Variants in M6PR observed in about 807,000 individuals in gnomAD.
M6PR encodes the protein cation-dependent mannose-6-phosphate receptor.
A neutral mutation model predicts 33.1 loss-of-function variants in M6PR; 19 were observed. The observed-to-expected ratio is 0.57, with a 90% CI of 0.40 to 0.84. The LOEUF is 0.84. Ranked by LOEUF, M6PR falls within the 40% of genes least tolerant of loss-of-function variation. M6PR has a pLI of 0.00. For synonymous variants in M6PR, 111 were observed against 123.4 expected (o/e 0.90, Z 0.67); for missense variants, 295 against 336.0 (o/e 0.88, Z 0.95).
rs1318451624 is a variant in M6PR at position 8,941,930 on chromosome 12, T to C, written c.722A>G (p.Asp241Gly). ...DLGNLVADGC[D>G]FVCRSKPRNV... ...TCGAGGTTTAGAACGGCAGACAAAG[T>C]CACAGCCATCCTGTAGGGGGAAAAA... The change falls in exon 7 of 7, where the codon GAC becomes GGC. Residue 241 changes from aspartate to glycine, a missense_variant. Physicochemically the swap from Asp to Gly is moderately conservative, Grantham distance 94. Coordinates refer to ENST00000000412, the MANE Select transcript of M6PR (RefSeq NM_002355.4). The C allele has an allele frequency of 6.2e-6, 10 of 1,613,928 alleles. No homozygotes were observed. Among genetic ancestry groups the C allele is most frequent in the Non-Finnish European group, 8.5e-6 (10 of 1,180,012 alleles).
rs757288363 is a variant in M6PR, at chr12:8,942,509, C to T, written c.618G>A (p.Gly206=). 3.7e-6 allele frequency: 6 copies of T among 1,614,132 alleles called. No homozygotes were observed. In the South Asian group the frequency reaches 6.6e-5, roughly 18 times the overall value. ...CTACCAGTCGCTGGTATAGGAACCC[C>T]CCAACAACATAAACAGCAACCAGTG... ...FASLVAVYVV[G]GFLYQRLVVG... Residue 206 remains glycine, a synonymous_variant, in exon 6 of 7, where the codon GGG becomes GGA. Transcript: ENST00000000412.
At chr12:8,947,443 A>G (rs968830885) in intron 1 of M6PR, among the ~76,000 whole-genome samples, 1 of 152,082 alleles carries the variant, frequency 6.6e-6, no homozygotes, top group South Asian at 2.1e-4. Context: ...GAAATTGTCT[A>G]CCTGACTTCC....
rs1462440449 is a variant in M6PR at position 8,945,584 on chromosome 12, G to A, written c.177C>T (p.Ser59=). Residue 59 remains serine, a splice_region_variant and synonymous_variant, in exon 3 of 7, where the codon AGC becomes AGT. Transcript: ENST00000000412. Reference sequence around the variant, plus strand: ...AACCCTGGCCCACAGTGCTCTCAAAGCTGTAAAGAGAAGTGGGAAGAAAGA... The same window carrying A: ...AACCCTGGCCCACAGTGCTCTCAAAACTGTAAAGAGAAGTGGGAAGAAAGA... ...VKRLKPLFNK[S]FESTVGQGSD... is the part of the protein sequence containing the mutation. 2.5e-6 allele frequency: 4 copies of A among 1,613,458 alleles called. No individual in the cohort carries two copies. The highest frequency in any genetic ancestry group is 2.7e-5 in the African/African-American group (2 of 74,914).
At chr12:8,943,232 G>A (rs769003452) in intron 5 of M6PR, 173 bp downstream of exon 5, 61 of 817,442 alleles carry the variant, frequency 7.5e-5, no homozygotes, top group South Asian at 1.1e-4. Flanking sequence ...GATTACAGGC[G>A]TGAGCCCTGT....
chr12:8,945,430 T>C lies in M6PR; in HGVS notation c.331A>G (p.Ile111Val), dbSNP rs1381844349. The C allele has an allele frequency of 6.2e-7, 1 of 1,614,088 alleles. No homozygotes were observed. Among genetic ancestry groups the C allele is most frequent in the East Asian group, 2.2e-5 (1 of 44,874 alleles). The change falls in exon 3 of 7, where the codon ATC becomes GTC. Residue 111 changes from isoleucine to valine, a missense_variant. Transcript: ENST00000000412. ...TVVGRLNETH[I>V]FNGSNWIMLI... ...GGAGTTTTCTTACTTCCGTTGAAGA[T>C]GTGAGTCTCGTTGAGTCTCCCTACC...
At chr12:8,945,613 G>A in intron 2 of M6PR, 29 bp from the exon 3 acceptor site, 1 of 1,602,828 alleles carries the variant, frequency 6.2e-7, no homozygotes. Context: ...AGAAAGAAGA[G>A]GAGAGTTACT....
Position 8,941,681 on chromosome 12 carries a change from C to T in M6PR, c.*137G>A, listed in dbSNP as rs1946010799. On this transcript the variant is annotated 3_prime_UTR_variant, in exon 7 of 7. Coordinates refer to ENST00000000412, the MANE Select transcript of M6PR (RefSeq NM_002355.4). ...AGGCAGTTTTACTAGTGAGAAGATG[C>T]AAATCAAAAGCAAACTGGAAAGCAA... 5.5e-6 allele frequency: 6 copies of T among 1,098,708 alleles called. No individual in the cohort carries two copies. In the Admixed American group the frequency reaches 1.2e-4, roughly 23 times the overall value. 68.1% of individuals were successfully genotyped at this position (1,098,708 alleles called of 1,614,324 possible). A position where few individuals can be genotyped will look rare whatever the true frequency, so the allele number is the denominator to read the frequency against.
At chr12:8,946,206 T>C in intron 2 of M6PR, 23 bp downstream of exon 2, 1 of 1,591,678 alleles carries the variant, frequency 6.3e-7, no homozygotes, top group Non-Finnish European at 8.6e-7. Context: ...TTTCTCAAGC[T>C]CTTTAAGGTT....
chr12:8,942,055 G>A (rs1023592076), intron 6 of M6PR, 115 bp from the exon 7 acceptor site: 9 of 1,183,738 alleles, frequency 7.6e-6, no homozygotes, highest in African/African-American at 6.1e-5. Flanking sequence ...GGGATAATGA[G>A]AAAACCTAAA....
At chr12:8,948,164 CT>C (rs1218756737) in intron 1 of M6PR, among the ~76,000 whole-genome samples, 1 of 152,190 alleles carries the variant, frequency 6.6e-6, no homozygotes, top group African/African-American at 2.4e-5. Flanking sequence ...CTGAGTTGAA[CT>C]ATCTTTCATT....
In M6PR at chr12:8,943,542, A is replaced by G. The variant is rs1212548980; in HGVS notation, c.454-7T>C. 1 of 1,614,170 alleles carries G rather than the reference A, an allele frequency of 6.2e-7. No individual in the cohort carries two copies. The highest frequency in any genetic ancestry group is 1.3e-5 in the African/African-American group (1 of 75,050). Reference sequence around the variant, plus strand: ...ACACAGGGTTAAAATTGTCCTGATGATGAGATGGCATAACACATTCAGGTG... The same window carrying G: ...ACACAGGGTTAAAATTGTCCTGATGGTGAGATGGCATAACACATTCAGGTG... On this transcript the variant is annotated splice_polypyrimidine_tract_variant and splice_region_variant and intron_variant, in intron 4 of 6. Transcript: ENST00000000412.
At chr12:8,941,974 C>T (rs1946018065) in intron 6 of M6PR, 34 bp from the exon 7 acceptor site, 1 of 1,612,392 alleles carries the variant, frequency 6.2e-7, no homozygotes, top group East Asian at 2.2e-5. Flanking sequence ...AAATAATTCG[C>T]AGCATCTAAC....
intron 5 of M6PR, chr12:8,943,175 C>T (rs1459236539): frequency 1.1e-5 from 5 of 474,146 alleles, no homozygotes; most frequent in Non-Finnish European, 1.5e-5. Flanking sequence ...TGGTCTCAAA[C>T]TCCTGACCTT....
Position 8,941,665 on chromosome 12 carries a change from T to C in M6PR, c.*153A>G. 2 of 871,566 alleles carry C rather than the reference T, an allele frequency of 2.3e-6. No homozygotes were observed. Among genetic ancestry groups the C allele is most frequent in the East Asian group, 2.5e-5 (1 of 40,814 alleles). The allele number at this position is 871,566 out of a possible 1,614,324, so 54.0% of individuals were successfully genotyped here. A position where few individuals can be genotyped will look rare whatever the true frequency, so the allele number is the denominator to read the frequency against. ...ATAAGGAACAAAGGGAAGGCAGTTT[T>C]ACTAGTGAGAAGATGCAAATCAAAA... is the stretch of plus-strand genomic sequence containing the variant. On this transcript the variant is annotated 3_prime_UTR_variant, in exon 7 of 7. Transcript: ENST00000000412.
intron 2 of M6PR, 44 bp downstream of exon 2, chr12:8,946,185 A>G (rs778991185): frequency 1.3e-6 from 2 of 1,556,344 alleles, no homozygotes; most frequent in Non-Finnish European, 1.8e-6. Context: ...AAAAGACTTT[A>G]ACATAAATAT....
At chr12:8,948,375 G>A (rs1264381408) in intron 1 of M6PR, among the ~76,000 whole-genome samples, 1 of 152,196 alleles carries the variant, frequency 6.6e-6, no homozygotes, top group Admixed American at 6.5e-5. Flanking sequence ...GAAAACTGAT[G>A]CTTTACAGAA....
intron 2 of M6PR, 80 bp from the exon 3 acceptor site, chr12:8,945,664 TAAAAC>T (rs913029518): frequency 1.8e-5 from 21 of 1,181,932 alleles, no homozygotes; most frequent in African/African-American, 1.2e-4. Context: ...TTTCCTTAAT[TAAAAC>T]AAAACAAACA....
chr12:8,941,506 C>G lies in M6PR; in HGVS notation c.*312G>C. On this transcript the variant is annotated 3_prime_UTR_variant, in exon 7 of 7. Coordinates refer to ENST00000000412, the MANE Select transcript of M6PR (RefSeq NM_002355.4). Reference sequence around the variant, plus strand: ...GTTTAAAAAACAAACGGCCAGTGAGCCTGCTACACCATTTTGCCCATATGC... The same window carrying G: ...GTTTAAAAAACAAACGGCCAGTGAGGCTGCTACACCATTTTGCCCATATGC... 1 of 241,016 alleles carries G rather than the reference C, an allele frequency of 4.1e-6. No homozygotes were observed. The highest frequency in any genetic ancestry group is 8.6e-5 in the East Asian group (1 of 11,674). 14.9% of individuals were successfully genotyped at this position (241,016 alleles called of 1,614,324 possible). A position where few individuals can be genotyped will look rare whatever the true frequency, so the allele number is the denominator to read the frequency against.
At chr12:8,944,394 A>T (rs551467465) in intron 3 of M6PR, among the ~76,000 whole-genome samples, 4 of 152,194 alleles carry the variant, frequency 2.6e-5, no homozygotes, top group Non-Finnish European at 5.9e-5. Flanking sequence ...TTGATTCAGT[A>T]ATTGTGAGGT....
Sources: gnomAD v4.1 joint callset for allele counts (sites outside exome capture counted in the v4.1 genomes callset) on GRCh38, gnomAD v4.1.1 for gene constraint, MANE v1.5 for transcripts, NCBI Gene and HGNC (gene_info 2026-07-23, HGNC 2026-07-21) for gene names.